RARB: variants seen among roughly 807,000 people sequenced by gnomAD.
The protein encoded by RARB is retinoic acid receptor beta, also known as HBV-activated protein.
A neutral mutation model predicts 51.9 loss-of-function variants in RARB; 17 were observed. That is an observed-to-expected ratio of 0.33 (90% confidence interval 0.22 to 0.49). RARB has a LOEUF of 0.49. Among genes scored for constraint, RARB ranks in the 20% least tolerant of loss-of-function variants. The pLI, the probability that RARB is intolerant of heterozygous loss-of-function variation, is 0.99. For synonymous variants in RARB, 215 were observed against 195.4 expected (o/e 1.10, Z -0.84); for missense variants, 369 against 550.8 (o/e 0.67, Z 3.30).
At chr3:24,956,831 A>T (rs1559410939) in intron 2 of RARB, among the ~76,000 whole-genome samples, 1 of 152,198 alleles carries the variant, frequency 6.6e-6, no homozygotes, top group Admixed American at 6.5e-5. Flanking sequence ...ATTTGTACAC[A>T]GGAAGGTTAT....
At chr3:24,987,676 C>G (rs1392012360) in intron 2 of RARB, among the ~76,000 whole-genome samples, 1 of 152,148 alleles carries the variant, frequency 6.6e-6, no homozygotes, top group Non-Finnish European at 1.5e-5. Context: ...GGTCTAAATC[C>G]TGGTGGAAAA....
chr3:25,178,004 G>A (rs970719678), intron 5 of RARB, among the ~76,000 whole-genome samples: 6 of 152,042 alleles, frequency 3.9e-5, no homozygotes, highest in East Asian at 1.9e-4. Flanking sequence ...ATGATTTCAC[G>A]TAACTCAGGT....
At chr3:25,309,434 C>T (rs114023837) in intron 5 of RARB, among the ~76,000 whole-genome samples, 5,938 of 149,242 alleles carry the variant, frequency 0.04, 160 homozygotes, top group Middle Eastern at 0.07. Flanking sequence ...CCACCATGCC[C>T]GGCCTCCTCT....
intron 2 of RARB, among the ~76,000 whole-genome samples, chr3:24,938,584 T>G (rs1695592908): frequency 6.6e-6 from 1 of 152,176 alleles, no homozygotes. Context: ...AACATAAAAA[T>G]AGTTAAAATG....
chr3:25,271,477 CATTAGGAAA>C (rs1703256396), intron 5 of RARB, among the ~76,000 whole-genome samples: 1 of 152,174 alleles, frequency 6.6e-6, no homozygotes, highest in African/African-American at 2.4e-5. Flanking sequence ...AAGGCATCTA[CATTAGGAAA>C]ATTAGGTGCT....
chr3:25,345,344 A>G (rs1367391232), intron 5 of RARB, among the ~76,000 whole-genome samples: 1 of 152,162 alleles, frequency 6.6e-6, no homozygotes, highest in African/African-American at 2.4e-5. Context: ...CCCAATAATC[A>G]TAATATTGGC....
At chr3:25,016,109 A>C (rs1291054633) in intron 2 of RARB, among the ~76,000 whole-genome samples, 1 of 152,208 alleles carries the variant, frequency 6.6e-6, no homozygotes, top group Non-Finnish European at 1.5e-5. Flanking sequence ...GCAAGGGCAA[A>C]ATCAGTATGA....
chr3:25,201,310 T>A (rs1701383821), intron 5 of RARB, among the ~76,000 whole-genome samples: 3 of 152,226 alleles, frequency 2.0e-5, no homozygotes, highest in Admixed American at 2.0e-4. Flanking sequence ...AAGTTGCTTA[T>A]CAGCTTAAGG....
chr3:24,850,759 G>A (rs750675205), intron 1 of RARB, among the ~76,000 whole-genome samples: 2 of 152,186 alleles, frequency 1.3e-5, no homozygotes, highest in African/African-American at 4.8e-5. Flanking sequence ...TCACCTGAGA[G>A]ACTGTTCAAA....
intron 2 of RARB, among the ~76,000 whole-genome samples, chr3:24,886,964 T>A (rs759495012): frequency 3.9e-5 from 6 of 152,234 alleles, no homozygotes; most frequent in Non-Finnish European, 8.8e-5. Context: ...ATACAAACTT[T>A]TAATAAAACA....
intron 3 of RARB, among the ~76,000 whole-genome samples, chr3:25,534,870 G>A (rs1362196635): frequency 1.3e-5 from 2 of 152,120 alleles, no homozygotes; most frequent in African/African-American, 2.4e-5. Context: ...AGGAGGTGGA[G>A]GCCATCACTC....
At chr3:25,480,490 A>C (rs147932579) in intron 2 of RARB, among the ~76,000 whole-genome samples, 1 of 152,290 alleles carries the variant, frequency 6.6e-6, no homozygotes, top group Non-Finnish European at 1.5e-5. Context: ...GTTAGGTTCA[A>C]ATGGTAGCTA....
intron 2 of RARB, among the ~76,000 whole-genome samples, chr3:24,868,290 G>A (rs1165324706): frequency 6.6e-6 from 1 of 152,120 alleles, no homozygotes; most frequent in Non-Finnish European, 1.5e-5. Context: ...AACAAGAATA[G>A]AAGGCACCTC....
At chr3:25,565,436 A>G (rs1165552701) in intron 3 of RARB, among the ~76,000 whole-genome samples, 4 of 152,160 alleles carry the variant, frequency 2.6e-5, no homozygotes, top group Admixed American at 2.0e-4. Flanking sequence ...AGTGATGCCA[A>G]TATTCTATTA....
intron 5 of RARB, among the ~76,000 whole-genome samples, chr3:25,328,085 G>T (rs948958333): frequency 6.6e-6 from 1 of 152,210 alleles, no homozygotes; most frequent in Non-Finnish European, 1.5e-5. Context: ...AATGAAGTAA[G>T]CAGGAGGATG....
chr3:24,912,971 G>GTTTTTTTTTTTTTT (rs1695021363), intron 2 of RARB, among the ~76,000 whole-genome samples: 1 of 55,412 alleles, frequency 1.8e-5, no homozygotes, highest in Non-Finnish European at 4.1e-5. Context: ...ACAAGGTACT[G>GTTTTTTTTTTTTTT]ATTCTTTTTT....
intron 3 of RARB, among the ~76,000 whole-genome samples, chr3:25,518,428 A>G (rs1024292180): frequency 6.6e-6 from 1 of 152,124 alleles, no homozygotes; most frequent in Admixed American, 6.5e-5. Flanking sequence ...TAAAGTGAGT[A>G]CTGGGAGACG....
At chr3:25,047,158 G>C (rs545870094) in intron 2 of RARB, among the ~76,000 whole-genome samples, 1 of 152,260 alleles carries the variant, frequency 6.6e-6, no homozygotes, top group South Asian at 2.1e-4. Context: ...ATTACTTACA[G>C]AAAAGAGCCC....
chr3:25,501,130 G>A, intron 2 of RARB, 52 bp from the exon 3 acceptor site: 3 of 1,528,724 alleles, frequency 2.0e-6, no homozygotes, highest in Admixed American at 2.4e-5. Context: ...TTTGATTTCT[G>A]ATGAAGCTCA....
Sources: allele counts gnomAD v4.1 joint callset (sites outside exome capture counted in the v4.1 genomes callset), GRCh38; gene constraint gnomAD v4.1.1; transcripts MANE v1.5; gene names NCBI Gene and HGNC (gene_info 2026-07-23, HGNC 2026-07-21).